Variants in TENM2 observed in about 807,000 individuals in gnomAD.
TENM2 encodes the protein teneurin-2.
TENM2 carries 52 observed loss-of-function variants against 245.2 expected under a neutral mutation model. The observed-to-expected ratio is 0.21, with a 90% CI of 0.17 to 0.27. The LOEUF (loss-of-function observed/expected upper bound fraction) is 0.27. Among genes scored for constraint, TENM2 ranks in the 10% least tolerant of loss-of-function variants. The pLI is 1.00. For synonymous variants in TENM2, 1,363 were observed against 1,438.9 expected (o/e 0.95, Z 1.19); for missense variants, 3,046 against 3,666.8 (o/e 0.83, Z 4.37).
the TENM2 span, among the ~76,000 whole-genome samples, chr5:167,111,538 A>G: frequency 6.6e-6 from 1 of 152,222 alleles, no homozygotes; most frequent in South Asian, 2.1e-4. Flanking sequence ...TTCTGTAAAT[A>G]AGGGATTCTC....
rs181398488 is a variant in TENM2 at position 167,848,839 on chromosome 5, C to A, written c.503-27147C>A. Among the ~76,000 whole-genome samples the A allele has an allele frequency of 2.5e-3, 374 of 152,316 alleles. 3 individuals carry two copies. Among genetic ancestry groups the A allele is most frequent in the Admixed American group, 0.023 (346 of 15,302 alleles). On this transcript the variant is annotated intron_variant, in intron 2 of 28. Coordinates refer to ENST00000518659, the Ensembl canonical transcript of TENM2. ...GTCTTCCCCACTTCTACCCCTTTCC[C>A]AACCCCCTGCTACGGGTGATCCTGA...
intron 12 of TENM2, among the ~76,000 whole-genome samples, chr5:168,159,863 G>A (rs1184303213): frequency 6.6e-6 from 1 of 151,980 alleles, no homozygotes; most frequent in East Asian, 1.9e-4. Flanking sequence ...GAAGAGAAGG[G>A]GTTAAAAAAA....
the TENM2 span, among the ~76,000 whole-genome samples, chr5:167,040,983 G>C: frequency 1.3e-5 from 2 of 152,118 alleles, no homozygotes; most frequent in East Asian, 1.9e-4. Flanking sequence ...GGTCAGTTTT[G>C]AATGGCCCTT....
At chr5:167,975,347 A>G (rs1583544990) in intron 4 of TENM2, among the ~76,000 whole-genome samples, 2 of 152,282 alleles carry the variant, frequency 1.3e-5, no homozygotes, top group South Asian at 2.1e-4. Context: ...CTGCCCTGGG[A>G]CTTGTTTTGT....
At chr5:168,261,332 G>T (rs1015147471) in intron 28 of TENM2, among the ~76,000 whole-genome samples, 1 of 152,184 alleles carries the variant, frequency 6.6e-6, no homozygotes, top group African/African-American at 2.4e-5. Flanking sequence ...CTGCCTCAAA[G>T]CCAGGGGATA....
chr5:168,201,760 T>A (rs1405718139), intron 17 of TENM2, among the ~76,000 whole-genome samples: 1 of 152,184 alleles, frequency 6.6e-6, no homozygotes, highest in Non-Finnish European at 1.5e-5. Flanking sequence ...TTTTTAAAGT[T>A]CTTTCATCTT....
chr5:167,103,663 C>G, the TENM2 span, among the ~76,000 whole-genome samples: 1 of 152,296 alleles, frequency 6.6e-6, no homozygotes, highest in Admixed American at 6.5e-5. Flanking sequence ...TATATTACTT[C>G]TGCATACCCA....
chr5:167,371,221 C>G (rs578141965), intron 1 of TENM2, among the ~76,000 whole-genome samples: 2 of 152,018 alleles, frequency 1.3e-5, no homozygotes, highest in Non-Finnish European at 2.9e-5. Flanking sequence ...TCACCCCAAA[C>G]TAGATGAACA....
chr5:167,078,841 T>C, the TENM2 span, among the ~76,000 whole-genome samples: 1 of 152,190 alleles, frequency 6.6e-6, no homozygotes, highest in Admixed American at 6.5e-5. Context: ...ATACAACTCT[T>C]GCCTGAGAAA....
chr5:168,022,230 CTCCGCTCCT>C (rs1249813752), intron 5 of TENM2, among the ~76,000 whole-genome samples: 3 of 152,242 alleles, frequency 2.0e-5, no homozygotes, highest in African/African-American at 7.2e-5. Flanking sequence ...CAGCCGGGAG[CTCCGCTCCT>C]CTGGAGTTTT....
At chr5:168,005,295 G>T (rs980393795) in intron 5 of TENM2, among the ~76,000 whole-genome samples, 6 of 152,070 alleles carry the variant, frequency 3.9e-5, no homozygotes, top group African/African-American at 1.4e-4. Flanking sequence ...ATGACTAAGG[G>T]ATTTCTTAAA....
the TENM2 span, among the ~76,000 whole-genome samples, chr5:167,016,095 A>T: frequency 6.6e-6 from 1 of 152,026 alleles, no homozygotes; most frequent in Non-Finnish European, 1.5e-5. Context: ...TCTACTAAAA[A>T]TACAAAAAAT....
intron 2 of TENM2, among the ~76,000 whole-genome samples, chr5:167,496,718 T>C (rs1312070176): frequency 6.6e-6 from 1 of 152,118 alleles, no homozygotes; most frequent in Non-Finnish European, 1.5e-5. Context: ...AGACCCTCCA[T>C]TGAGTTACAT....
chr5:167,777,400 T>C (rs920625154), intron 2 of TENM2, among the ~76,000 whole-genome samples: 4 of 152,256 alleles, frequency 2.6e-5, no homozygotes, highest in African/African-American at 9.6e-5. Flanking sequence ...TTAATTAATT[T>C]ATTTTTTAAT....
the TENM2 span, among the ~76,000 whole-genome samples, chr5:167,012,371 G>C: frequency 6.6e-6 from 1 of 152,196 alleles, no homozygotes; most frequent in Non-Finnish European, 1.5e-5. Context: ...GGCTCTTGGA[G>C]CTCATTTTCT....
At chr5:167,270,001 T>C in the TENM2 span, among the ~76,000 whole-genome samples, 1 of 152,180 alleles carries the variant, frequency 6.6e-6, no homozygotes, top group Admixed American at 6.6e-5. Flanking sequence ...TTTCTCCTTA[T>C]CATATATGTT....
chr5:167,821,226 G>T (rs900507569), intron 2 of TENM2: 1 of 152,168 alleles, frequency 6.6e-6, no homozygotes, highest in Admixed American at 6.5e-5. Context: ...TAGAAAAGAA[G>T]ATTCAAGCAG....
rs1368638335 is a variant in TENM2, at chr5:167,291,693, T to G, written c.226+6630T>G. Among the ~76,000 whole-genome samples, 3 of 152,228 alleles carry G rather than the reference T, an allele frequency of 2.0e-5. No individual in the cohort carries two copies. The East Asian group carries it at 5.8e-4, about 29-fold the overall frequency. ...TGTAGGTTTATCCTGTGCTTGGAGA[T>G]AGCTTACAGTGAGTGCCTCCTAAAC... On this transcript the variant is annotated intron_variant, in intron 1 of 28. Transcript: ENST00000518659.
intron 1 of TENM2, among the ~76,000 whole-genome samples, chr5:167,297,109 C>G (rs1004199455): frequency 6.6e-6 from 1 of 152,156 alleles, no homozygotes; most frequent in South Asian, 2.1e-4. Context: ...AAAGGACATA[C>G]TCTATAGAAT....
Sources: gnomAD v4.1 joint callset for allele counts (sites outside exome capture counted in the v4.1 genomes callset) on GRCh38, gnomAD v4.1.1 for gene constraint, MANE v1.5 for transcripts, NCBI Gene and HGNC (gene_info 2026-07-23, HGNC 2026-07-21) for gene names.